The following C3orf70 variants were observed in gnomAD, a reference collection of about 807,000 sequenced individuals.
C3orf70 encodes the protein chromosome 3 open reading frame 70, also known as UPF0524 protein C3orf70.
C3orf70 carries 15 observed loss-of-function variants against 20.7 expected under a neutral mutation model. The ratio of observed to expected loss-of-function variants is 0.72; its 90% CI spans 0.48 to 1.11. The LOEUF is 1.11. C3orf70 is among the 50% of genes most tolerant of loss of function. The pLI, the probability that C3orf70 is intolerant of heterozygous loss-of-function variation, is 0.00. For missense variants in C3orf70, 332 were observed against 317.6 expected (o/e 1.05, Z -0.34); for synonymous variants, 161 against 125.7 (o/e 1.28, Z -1.88).
At position 185,097,081 on chromosome 3, in the gene C3orf70, C is replaced by T. The variant is rs370050541; in HGVS notation, c.197-13518G>A. ...ATAATACTCTATATTAAACTTCCTC[C>T]CCATTTAATCCACTGTGTGGTTTCC... On this transcript the variant is annotated intron_variant, in intron 1 of 1. Transcript: ENST00000335012. 3.7e-4 allele frequency among the ~76,000 whole-genome samples: 57 copies of T among 152,216 alleles called. 2 individuals carry two copies. The South Asian group carries it at 0.012, about 32-fold the overall frequency.
chr3:185,112,271 T>C (rs1417919149), intron 1 of C3orf70, among the ~76,000 whole-genome samples: 3 of 152,260 alleles, frequency 2.0e-5, no homozygotes, highest in African/African-American at 4.8e-5. Context: ...GCCTGAGCTA[T>C]AGAGCGAGAT....
intron 1 of C3orf70, among the ~76,000 whole-genome samples, chr3:185,115,842 G>C (rs1280085996): frequency 1.3e-5 from 2 of 152,194 alleles, no homozygotes; most frequent in Non-Finnish European, 1.5e-5. Flanking sequence ...CAAAAAGAGC[G>C]CTAAAGAGAT....
rs1053290803 is a variant in C3orf70, at chr3:185,082,648, C to A, written c.*359G>T. The A allele has an allele frequency of 4.3e-6, 1 of 233,490 alleles. No individual in the cohort carries two copies. The highest frequency in any genetic ancestry group is 8.4e-6 in the Non-Finnish European group (1 of 119,190). The allele number at this position is 233,490 out of a possible 1,614,324, so 14.5% of individuals were successfully genotyped here. ...AGAGTCTCTGTGAAGGACTGGCTAC[C>A]GAGAAAACACCGGCTCCTTCCCTTT... On this transcript the variant is annotated 3_prime_UTR_variant, in exon 2 of 2. Transcript: ENST00000335012.
intron 1 of C3orf70, among the ~76,000 whole-genome samples, chr3:185,140,098 C>A (rs908795751): frequency 6.6e-6 from 1 of 152,228 alleles, no homozygotes; most frequent in Admixed American, 6.5e-5. Context: ...TCAAGTCCCA[C>A]AGTTGGCCCT....
chr3:185,092,839 AAATTAG>A (rs1185347187), intron 1 of C3orf70, among the ~76,000 whole-genome samples: 2 of 152,112 alleles, frequency 1.3e-5, no homozygotes, highest in Non-Finnish European at 2.9e-5. Context: ...AAAAATACAA[AAATTAG>A]TTGGGTGCGG....
chr3:185,146,251 A>G (rs1303807488), intron 1 of C3orf70, among the ~76,000 whole-genome samples: 2 of 149,934 alleles, frequency 1.3e-5, no homozygotes, highest in East Asian at 1.9e-4. Context: ...TCTTCCTTCA[A>G]TCACTAGACA....
At chr3:185,119,921 T>C (rs761994338) in intron 1 of C3orf70, among the ~76,000 whole-genome samples, 3 of 149,162 alleles carry the variant, frequency 2.0e-5, no homozygotes, top group Non-Finnish European at 4.4e-5. Context: ...CTACTCGAGG[T>C]TGAGGCAGGA....
At chr3:185,117,418 TAC>T (rs141665642) in intron 1 of C3orf70, among the ~76,000 whole-genome samples, 19,932 of 134,748 alleles carry the variant, frequency 0.15, 1,330 homozygotes, top group South Asian at 0.19. Flanking sequence ...ACCACACACA[TAC>T]ACACACACAC....
intron 1 of C3orf70, among the ~76,000 whole-genome samples, chr3:185,120,033 A>AAAAAAAAAAAAAAGAAAG (rs55921240): frequency 7.9e-5 from 8 of 100,772 alleles, no homozygotes; most frequent in Middle Eastern, 5.4e-3. Context: ...AAAAAAAAAA[A>AAAAAAAAAAAAAAGAAAG]AAAAAGAAAA....
At chr3:185,104,826 G>A (rs1715892376) in intron 1 of C3orf70, among the ~76,000 whole-genome samples, 1 of 152,172 alleles carries the variant, frequency 6.6e-6, no homozygotes. Flanking sequence ...AAGGTGGAGG[G>A]TAGGAGGAGG....
chr3:185,151,224 T>C (rs928982181), intron 1 of C3orf70, among the ~76,000 whole-genome samples: 3 of 152,222 alleles, frequency 2.0e-5, no homozygotes, highest in Non-Finnish European at 4.4e-5. Context: ...AAGGTTCCCA[T>C]CAGTAACGGT....
chr3:185,130,576 G>A (rs953414712), intron 1 of C3orf70, among the ~76,000 whole-genome samples: 1 of 152,010 alleles, frequency 6.6e-6, no homozygotes, highest in Non-Finnish European at 1.5e-5. Context: ...CTTTATCACT[G>A]CCCCAAAAAG....
At chr3:185,120,203 T>C (rs1028460682) in intron 1 of C3orf70, among the ~76,000 whole-genome samples, 4 of 152,174 alleles carry the variant, frequency 2.6e-5, no homozygotes, top group Non-Finnish European at 5.9e-5. Context: ...CATGTAAGAC[T>C]ATGTAAGTCC....
intron 1 of C3orf70, among the ~76,000 whole-genome samples, chr3:185,141,254 C>T (rs1048587580): frequency 2.6e-5 from 4 of 152,124 alleles, no homozygotes; most frequent in Admixed American, 2.0e-4. Flanking sequence ...AGTGACAACA[C>T]CAAATGCTGG....
rs1715213078 is a variant in C3orf70, at chr3:185,077,224, A to G, written c.*5783T>C. On this transcript the variant is annotated 3_prime_UTR_variant, in exon 2 of 2. Coordinates refer to ENST00000335012, the MANE Select transcript of C3orf70 (RefSeq NM_001025266.3). ...CACTGTGTTGGGACCAGGTGCACTG[A>G]GGTAGACGAGGCACTAGTCTGTGGG... Among the ~76,000 whole-genome samples the G allele has an allele frequency of 6.6e-6, 1 of 152,132 alleles. No homozygotes were observed. The highest frequency in any genetic ancestry group is 2.1e-4 in the South Asian group (1 of 4,824).
chr3:185,119,030 A>C (rs1716238877), intron 1 of C3orf70, among the ~76,000 whole-genome samples: 1 of 152,202 alleles, frequency 6.6e-6, no homozygotes, highest in Non-Finnish European at 1.5e-5. Flanking sequence ...CCATTTTCTT[A>C]ATACATGATC....
In C3orf70 at chr3:185,079,922, G is replaced by A. The variant is rs1577314387; in HGVS notation, c.*3085C>T. 1 of 152,758 alleles carries A rather than the reference G, an allele frequency of 6.5e-6. No homozygotes were observed. The highest frequency in any genetic ancestry group is 1.9e-4 in the East Asian group (1 of 5,186). The allele number at this position is 152,758 out of a possible 1,614,324, so 9.5% of individuals were successfully genotyped here. A position where few individuals can be genotyped will look rare whatever the true frequency, so the allele number is the denominator to read the frequency against. On this transcript the variant is annotated 3_prime_UTR_variant, in exon 2 of 2. Coordinates refer to ENST00000335012, the MANE Select transcript of C3orf70 (RefSeq NM_001025266.3). ...TTGCAGTCTAAACATTTTCTAAAGT[G>A]TCTGTAAGTACACAAATTAGCAACA...
At chr3:185,140,916 C>T (rs1332696463) in intron 1 of C3orf70, among the ~76,000 whole-genome samples, 3 of 150,192 alleles carry the variant, frequency 2.0e-5, no homozygotes, top group Non-Finnish European at 4.4e-5. Flanking sequence ...TGCAGTGACC[C>T]GAGATCGTGC....
chr3:185,152,618 C>G lies in C3orf70; in HGVS notation c.196+10G>C. The G allele has an allele frequency of 6.5e-7, 1 of 1,545,896 alleles. No individual in the cohort carries two copies. The highest frequency in any genetic ancestry group is 2.7e-5 in the East Asian group (1 of 37,326). Reference sequence around the variant, plus strand: ...CGCGGCGGAAGGCGGGAAGACGCGGCTCGACTTACAGTGACACCATCCTAG... The same window carrying G: ...CGCGGCGGAAGGCGGGAAGACGCGGGTCGACTTACAGTGACACCATCCTAG... On this transcript the variant is annotated intron_variant, in intron 1 of 1. Transcript: ENST00000335012.
Sources: gnomAD v4.1 joint callset for allele counts (sites outside exome capture counted in the v4.1 genomes callset) on GRCh38, gnomAD v4.1.1 for gene constraint, MANE v1.5 for transcripts, NCBI Gene and HGNC (gene_info 2026-07-23, HGNC 2026-07-21) for gene names.